ATL2: variants seen among roughly 807,000 people sequenced by gnomAD.
The protein encoded by ATL2 is atlastin-2.
Under a neutral mutation model 73.9 loss-of-function variants are expected in ATL2, and 31 were observed. The ratio of observed to expected loss-of-function variants is 0.42; its 90% CI spans 0.32 to 0.57. ATL2 has a LOEUF of 0.57. Among genes scored for constraint, ATL2 ranks in the 20% least tolerant of loss-of-function variants. The probability of loss-of-function intolerance (pLI) is 0.14; values close to 1 mark genes in which losing one functional copy is unlikely to be tolerated. For synonymous variants in ATL2, 291 were observed against 237.5 expected (o/e 1.23, Z -2.07); for missense variants, 738 against 702.6 (o/e 1.05, Z -0.57).
intron 1 of ATL2, among the ~76,000 whole-genome samples, chr2:38,366,185 T>A (rs191116783): frequency 6.6e-6 from 1 of 151,266 alleles, no homozygotes; most frequent in East Asian, 1.9e-4. Context: ...TGAGGGTACA[T>A]GACAGGATTC....
chr2:38,323,212 T>C (rs1226187644), intron 2 of ATL2, among the ~76,000 whole-genome samples: 2 of 152,156 alleles, frequency 1.3e-5, no homozygotes, highest in Admixed American at 1.3e-4. Context: ...TACTATTTAC[T>C]ACTATGGAGA....
At chr2:38,367,447 CA>C (rs919285283) in intron 1 of ATL2, among the ~76,000 whole-genome samples, 14 of 148,776 alleles carry the variant, frequency 9.4e-5, no homozygotes, top group Non-Finnish European at 1.8e-4. Flanking sequence ...ATTAAAAATA[CA>C]AAAAAAAATT....
At chr2:38,355,139 T>G (rs557829284) in intron 1 of ATL2, among the ~76,000 whole-genome samples, 9 of 152,292 alleles carry the variant, frequency 5.9e-5, no homozygotes, top group Middle Eastern at 3.4e-3. Flanking sequence ...TTCTTTGTTG[T>G]TTTTGAGATG....
chr2:38,368,792 T>C (rs1383518248), intron 1 of ATL2, among the ~76,000 whole-genome samples: 1 of 151,834 alleles, frequency 6.6e-6, no homozygotes, highest in African/African-American at 2.4e-5. Flanking sequence ...AAAAAGCAAT[T>C]AATAAAAAGA....
At chr2:38,308,517 A>T (rs986634273) in intron 9 of ATL2, among the ~76,000 whole-genome samples, 4 of 152,178 alleles carry the variant, frequency 2.6e-5, no homozygotes, top group African/African-American at 7.2e-5. Context: ...AAATATAGTT[A>T]GAATAAGATC....
At chr2:38,296,389 A>G in intron 12 of ATL2, 2 of 1,523,102 alleles carry the variant, frequency 1.3e-6, no homozygotes, top group Non-Finnish European at 1.8e-6. Context: ...GTATGTATAC[A>G]GCATTTATGC....
At chr2:38,318,774 T>C in intron 3 of ATL2, 111 bp downstream of exon 3, 1 of 1,362,514 alleles carries the variant, frequency 7.3e-7, no homozygotes, top group African/African-American at 1.5e-5. Flanking sequence ...GACATAATAA[T>C]CCGTATGTTA....
intron 2 of ATL2, among the ~76,000 whole-genome samples, chr2:38,342,642 A>C (rs1409590743): frequency 6.6e-6 from 1 of 152,198 alleles, no homozygotes; most frequent in Admixed American, 6.5e-5. Flanking sequence ...ACTTTTTCAA[A>C]GGTCTCTATC....
In ATL2 at chr2:38,298,384, A is replaced by G. The variant is rs1667013662; in HGVS notation, c.1392T>C (p.Asp464=). Residue 464 remains aspartate, a synonymous_variant, in exon 12 of 13, where the codon GAT becomes GAC. Transcript: ENST00000378954. ...GAGCAGCATAGAAGATATTTTTGCC[A>G]TCATTGTGCTTTATAAAATTTGCAT... is the stretch of plus-strand genomic sequence containing the variant. ...ETYANFIKHN[D]GKNIFYAART... 6.2e-7 allele frequency: 1 copy of G among 1,614,068 alleles called. No homozygotes were observed. Among genetic ancestry groups the G allele is most frequent in the African/African-American group, 1.3e-5 (1 of 74,936 alleles).
chr2:38,331,617 A>G (rs1244154474), intron 2 of ATL2, among the ~76,000 whole-genome samples: 1 of 150,004 alleles, frequency 6.7e-6, no homozygotes, highest in Non-Finnish European at 1.5e-5. Context: ...CATCTCAAAA[A>G]AAAAAAAAAA....
chr2:38,369,221 G>A (rs1671522809), intron 1 of ATL2, among the ~76,000 whole-genome samples: 1 of 151,528 alleles, frequency 6.6e-6, no homozygotes, highest in South Asian at 2.1e-4. Context: ...AGGCCAAGGT[G>A]GGTGGATCAC....
At chr2:38,326,082 A>G (rs1668647388) in intron 2 of ATL2, among the ~76,000 whole-genome samples, 1 of 152,146 alleles carries the variant, frequency 6.6e-6, no homozygotes, top group Non-Finnish European at 1.5e-5. Context: ...AAAAAAGAAT[A>G]AAAATAAAAC....
At chr2:38,341,063 G>A (rs950773750) in intron 2 of ATL2, among the ~76,000 whole-genome samples, 7 of 152,176 alleles carry the variant, frequency 4.6e-5, no homozygotes, top group African/African-American at 1.7e-4. Context: ...AACAGAAATG[G>A]CACCTGAGGT....
chr2:38,326,742 C>A (rs1668684403), intron 2 of ATL2, among the ~76,000 whole-genome samples: 1 of 152,096 alleles, frequency 6.6e-6, no homozygotes, highest in Admixed American at 6.6e-5. Context: ...AATCCCAGCA[C>A]TCGGGGAGGC....
intron 1 of ATL2, among the ~76,000 whole-genome samples, chr2:38,374,202 T>G (rs540617586): frequency 1.1e-4 from 17 of 152,312 alleles, no homozygotes; most frequent in African/African-American, 4.1e-4. Flanking sequence ...TGCTATCCAT[T>G]TTTAAAGCCA....
chr2:38,353,329 G>A (rs1291680003), intron 1 of ATL2, among the ~76,000 whole-genome samples: 1 of 152,066 alleles, frequency 6.6e-6, no homozygotes, highest in African/African-American at 2.4e-5. Context: ...CTCACTGGAT[G>A]GACAACAGCA....
Position 38,307,434 on chromosome 2 carries a change from C to T in ATL2, c.1071+1945G>A, listed in dbSNP as rs964012344. ...GAATTGCTTGAACCTGGGAGGCGGACGTTACAGCAAGCCGAGATCACGCCA... is the reference window on the plus strand; with the variant it reads ...GAATTGCTTGAACCTGGGAGGCGGATGTTACAGCAAGCCGAGATCACGCCA... On this transcript the variant is annotated intron_variant, in intron 9 of 12. Transcript: ENST00000378954. 8.0e-5 allele frequency among the ~76,000 whole-genome samples: 12 copies of T among 149,990 alleles called. 1 individual carries two copies. The highest frequency in any genetic ancestry group is 4.6e-4 in the Admixed American group (7 of 15,104).
chr2:38,305,480 T>C (rs561111289), intron 9 of ATL2, among the ~76,000 whole-genome samples: 2 of 151,860 alleles, frequency 1.3e-5, no homozygotes, highest in African/African-American at 2.4e-5. Context: ...ACCTGGGAGG[T>C]AGAGGTTGCA....
chr2:38,370,111 C>G (rs1229467302), intron 1 of ATL2, among the ~76,000 whole-genome samples: 3 of 142,012 alleles, frequency 2.1e-5, no homozygotes, highest in Non-Finnish European at 4.5e-5. Context: ...GCCGAGATCC[C>G]GCCACTGCAC....
Sources: gnomAD v4.1 joint callset for allele counts (sites outside exome capture counted in the v4.1 genomes callset) on GRCh38, gnomAD v4.1.1 for gene constraint, MANE v1.5 for transcripts, NCBI Gene and HGNC (gene_info 2026-07-23, HGNC 2026-07-21) for gene names.